The following FANCD2 variants were observed in gnomAD, a reference collection of about 807,000 sequenced individuals.
FANCD2 encodes Fanconi anemia group D2 protein.
In FANCD2, 131 loss-of-function variants were observed where a neutral mutation model predicts 192.3. The observed-to-expected ratio is 0.68, with a 90% CI of 0.59 to 0.79. The LOEUF is 0.79. Among genes scored for constraint, FANCD2 ranks in the 30% least tolerant of loss-of-function variants. The pLI is 0.00. For missense variants in FANCD2, 1,508 were observed against 1,701.6 expected, an observed-to-expected ratio of 0.89 and a Z score of 2.00; for synonymous variants, 524 against 612.5, an observed-to-expected ratio of 0.86 and a Z score of 2.13.
chr3:10,051,407 ACAAAAAG>A lies in FANCD2; in HGVS notation c.1546-979_1546-973del, dbSNP rs1370003110. Among the ~76,000 whole-genome samples, 50 of 70,724 alleles carry A rather than the reference ACAAAAAG, an allele frequency of 7.1e-4. 5 individuals are homozygous for A. Among genetic ancestry groups the A allele is most frequent in the South Asian group, 3.0e-3 (5 of 1,660 alleles). The allele number at this position is 70,724 out of a possible 152,430, so 46.4% of individuals were successfully genotyped here. ...AAAAAAAAAAAAAAAAAAAAAAAAA[ACAAAAAG>A]GAGTGAGGGATTTATCTCCCAGTGT... On this transcript the variant is annotated intron_variant, in intron 17 of 43. Coordinates refer to ENST00000675286, the MANE Select transcript of FANCD2 (RefSeq NM_001018115.3).
In FANCD2 at chr3:10,046,262, T is replaced by C. The variant is rs35329575; in HGVS notation, c.1135-318T>C. On this transcript the variant is annotated intron_variant, in intron 14 of 43. Transcript: ENST00000675286. ...TAGAGACGGGGTTTCACCGTGTTAG[T>C]CAGGATGGTCTCGATCTCCTGACCT... Among the ~76,000 whole-genome samples the C allele has an allele frequency of 2.0e-3, 302 of 151,214 alleles. 3 individuals are homozygous for C. Among genetic ancestry groups the C allele is most frequent in the Non-Finnish European group, 3.8e-3 (260 of 67,682 alleles).
Position 10,043,608 on chromosome 3 carries a change from C to T in FANCD2, c.1098+16C>T, listed in dbSNP as rs1171221070. On this transcript the variant is annotated intron_variant, in intron 13 of 43. Coordinates refer to ENST00000675286, the MANE Select transcript of FANCD2 (RefSeq NM_001018115.3). Reference sequence around the variant, plus strand: ...CTGGATTAAGGTGAGATCTTTGGAACTTTGATTATCAAGGAGGAAATGAGT... The same window carrying T: ...CTGGATTAAGGTGAGATCTTTGGAATTTTGATTATCAAGGAGGAAATGAGT... 1 of 1,572,656 alleles carries T rather than the reference C, an allele frequency of 6.4e-7. No homozygotes were observed. The highest frequency in any genetic ancestry group is 1.4e-5 in the African/African-American group (1 of 73,950).
chr3:10,096,462 G>A lies in FANCD2; in HGVS notation c.4175G>A (p.Arg1392Gln), dbSNP rs1334082637. The change falls in exon 42 of 44, where the codon CGG becomes CAG. Residue 1392 changes from arginine (R) to glutamine (Q), a missense_variant. Transcript: ENST00000675286. ...TTCTGGCTGGGCAATCTAAAAAACC[G>A]GGACTTGCAGGTAAGCCTTGGATCC... ...EAFWLGNLKN[R>Q]DLQGEEIKSQ... The A allele has an allele frequency of 6.2e-6, 10 of 1,613,916 alleles. No individual in the cohort carries two copies. In the East Asian group the frequency reaches 8.9e-5, roughly 14 times the overall value.
At chr3:10,098,543 A>C (rs1347347137) in intron 42 of FANCD2, among the ~76,000 whole-genome samples, 177 bp from the exon 43 acceptor site, 2 of 152,162 alleles carry the variant, frequency 1.3e-5, no homozygotes, top group African/African-American at 2.4e-5. Flanking sequence ...ACATCTCAGA[A>C]ACCTGGAGTT....
At chr3:10,062,241 TC>T in intron 20 of FANCD2, 30 bp downstream of exon 20, 1 of 1,594,496 alleles carries the variant, frequency 6.3e-7, no homozygotes. Context: ...TCTTTCTTTT[TC>T]CTGTCTTTTT....
chr3:10,079,455 G>A (rs183414970), intron 30 of FANCD2, among the ~76,000 whole-genome samples: 11 of 151,958 alleles, frequency 7.2e-5, no homozygotes, highest in Non-Finnish European at 1.2e-4. Context: ...ACAGGCGCGC[G>A]CCACCACACC....
At chr3:10,087,657 T>G (rs958755912) in intron 34 of FANCD2, among the ~76,000 whole-genome samples, 1 of 151,278 alleles carries the variant, frequency 6.6e-6, no homozygotes, top group African/African-American at 2.4e-5. Flanking sequence ...GGCCTTTTTC[T>G]TTTTTTTTGA....
intron 32 of FANCD2, among the ~76,000 whole-genome samples, 177 bp from the exon 33 acceptor site, chr3:10,085,635 C>T (rs1694147109): frequency 6.6e-6 from 1 of 152,050 alleles, no homozygotes; most frequent in Admixed American, 6.5e-5. Flanking sequence ...CGTTATTCGC[C>T]CGCCTCAGCC....
At chr3:10,040,105 G>C in intron 9 of FANCD2, 1 of 458,088 alleles carries the variant, frequency 2.2e-6, no homozygotes. Flanking sequence ...TGCGATCTCA[G>C]CTCACTGCAA....
At chr3:10,039,483 A>G (rs952884574) in intron 8 of FANCD2, 126 bp downstream of exon 8, 16 of 989,560 alleles carry the variant, frequency 1.6e-5, no homozygotes, top group Admixed American at 5.0e-5. Flanking sequence ...GCTTTTTCCA[A>G]TTTTCATAAT....
At chr3:10,089,225 C>T (rs1418811949) in intron 36 of FANCD2, among the ~76,000 whole-genome samples, 5 of 151,468 alleles carry the variant, frequency 3.3e-5, no homozygotes, top group Admixed American at 2.6e-4. Flanking sequence ...GCGGAGGTTG[C>T]AGTGAGCCGG....
chr3:10,028,957 G>C (rs1180458839), intron 2 of FANCD2, among the ~76,000 whole-genome samples: 1 of 152,186 alleles, frequency 6.6e-6, no homozygotes, highest in African/African-American at 2.4e-5. Context: ...AGAGGAATTA[G>C]TGTTACAGAC....
At chr3:10,052,601 C>G (rs2087251426) in intron 18 of FANCD2, 104 bp downstream of exon 18, 2 of 782,974 alleles carry the variant, frequency 2.6e-6, no homozygotes, top group Non-Finnish European at 4.4e-6. Context: ...TCATTGCAAC[C>G]TCTGCCTCCT....
In FANCD2 at chr3:10,032,912, G is replaced by A. The variant is rs758492931; in HGVS notation, c.145G>A (p.Val49Ile). ...AGTTGAAGAAAATGACAGCATCTTT[G>A]TAAAGCTTCTTAAGATATCAGGAAT... Reference protein sequence around the residue: ...NEVEENDSIFVKLLKISGIIL... With the variant: ...NEVEENDSIFIKLLKISGIIL... The change falls in exon 3 of 44, where the codon GTA becomes ATA. Residue 49 changes from valine (V) to isoleucine (I), a missense_variant. Val to Ile is a conservative substitution (Grantham distance 29, BLOSUM62 3). Coordinates refer to ENST00000675286, the MANE Select transcript of FANCD2 (RefSeq NM_001018115.3). The A allele has an allele frequency of 6.2e-7, 1 of 1,601,858 alleles. No individual in the cohort carries two copies. The highest frequency in any genetic ancestry group is 8.6e-7 in the Non-Finnish European group (1 of 1,169,304).
chr3:10,033,071 A>G, intron 3 of FANCD2, 99 bp downstream of exon 3: 1 of 1,032,346 alleles, frequency 9.7e-7, no homozygotes. Context: ...ATTAGAAATC[A>G]GAGGGCCATC....
At chr3:10,086,064 T>G in intron 33 of FANCD2, 142 bp downstream of exon 33, 1 of 688,968 alleles carries the variant, frequency 1.5e-6, no homozygotes, top group Admixed American at 2.1e-5. Context: ...TATATGAGCT[T>G]TCTCATCTAT....
At position 10,088,872 on chromosome 3, in the gene FANCD2, A is replaced by G; in HGVS notation, c.3605A>G (p.Glu1202Gly). ...HTESILKAIE[E>G]IAGVGVPELI... is the part of the protein sequence containing the mutation. ...GAGAGCATTCTGAAGGCCATAGAGG[A>G]GATTGCTGGTGTTGGTGTCCCAGAA... is the stretch of plus-strand genomic sequence containing the variant. Residue 1202 changes from glutamate to glycine, a missense_variant, in exon 36 of 44, where the codon GAG (glutamate) becomes GGG (glycine). Glu to Gly is a moderately conservative substitution (Grantham distance 98). This residue lies in a region of FANCD2 where 796 missense variants were observed against 879.4 expected (regional missense o/e 0.91). Coordinates refer to ENST00000675286, the MANE Select transcript of FANCD2 (RefSeq NM_001018115.3). The G allele has an allele frequency of 6.2e-7, 1 of 1,614,066 alleles. No individual in the cohort carries two copies. The highest frequency in any genetic ancestry group is 8.5e-7 in the Non-Finnish European group (1 of 1,179,926).
Position 10,065,901 on chromosome 3 carries a change from G to A in FANCD2, c.2307G>A (p.Glu769=), listed in dbSNP as rs781704507. Residue 769 remains glutamate, a synonymous_variant, in exon 25 of 44, where the codon GAG becomes GAA. Transcript: ENST00000675286. ...TCCTAACTGACCTGGAGCCTGGAGA[G>A]AAGTTGGAGTCCATGTCTGCTAAAG... ...PIFLTDLEPG[E]KLESMSAKER... is the part of the protein sequence containing the mutation. The A allele has an allele frequency of 6.2e-7, 1 of 1,613,482 alleles. No individual in the cohort carries two copies. The highest frequency in any genetic ancestry group is 1.7e-5 in the Admixed American group (1 of 60,024).
chr3:10,080,870 A>G (rs1055651710), intron 30 of FANCD2, among the ~76,000 whole-genome samples: 1 of 152,228 alleles, frequency 6.6e-6, no homozygotes, highest in South Asian at 2.1e-4. Context: ...TGATAGGGCT[A>G]TATGTCTCAA....
Sources: allele counts gnomAD v4.1 joint callset (sites outside exome capture counted in the v4.1 genomes callset), GRCh38; gene constraint gnomAD v4.1.1; regional missense constraint gnomAD v4.1.1; transcripts MANE v1.5; gene names NCBI Gene and HGNC (gene_info 2026-07-23, HGNC 2026-07-21).